ELL3: variants seen among roughly 807,000 people sequenced by gnomAD.
The protein encoded by ELL3 is RNA polymerase II elongation factor ELL3.
In ELL3, 48 loss-of-function variants were observed where a neutral mutation model predicts 58.5. The observed-to-expected ratio is 0.82, with a 90% CI of 0.65 to 1.04. ELL3 has a LOEUF of 1.04. Among genes scored for constraint, ELL3 ranks in the 50% least tolerant of loss-of-function variants. ELL3 has a pLI of 0.00. For missense variants in ELL3, 458 were observed against 478.4 expected, an observed-to-expected ratio of 0.96 and a Z score of 0.40; for synonymous variants, 174 against 173.2, an observed-to-expected ratio of 1.00 and a Z score of -0.04.
intron 5 of ELL3, 64 bp downstream of exon 5, chr15:43,775,461 G>A: frequency 6.2e-7 from 1 of 1,608,276 alleles, no homozygotes; most frequent in Non-Finnish European, 8.5e-7. Context: ...ACATTTAAGA[G>A]TGGAGATTAG....
At chr15:43,774,045 G>A (rs1394882373) in intron 9 of ELL3, 137 bp downstream of exon 9, 1 of 1,081,822 alleles carries the variant, frequency 9.2e-7, no homozygotes, top group Non-Finnish European at 1.3e-6. Context: ...TCTACCAAAT[G>A]ATACAGACTA....
rs1405119119 is a variant in ELL3, at chr15:43,775,813, G to T, written c.392C>A (p.Thr131Asn). Residue 131 changes from threonine (T) to asparagine (N), a missense_variant, in exon 4 of 11, where the codon ACT becomes AAT. Coordinates refer to ENST00000319359, the MANE Select transcript of ELL3 (RefSeq NM_025165.3). Reference sequence around the variant, plus strand: ...ACTCTCAGGATGTCTGGCATCTTCAGTCAGGTTGTGTCCCTGAACTGATGA... The same window carrying T: ...ACTCTCAGGATGTCTGGCATCTTCATTCAGGTTGTGTCCCTGAACTGATGA... ...APSSVQGHNL[T>N]EDARHPESWQ... 2 of 1,614,190 alleles carry T rather than the reference G, an allele frequency of 1.2e-6. No homozygotes were observed. Among genetic ancestry groups the T allele is most frequent in the South Asian group, 2.2e-5 (2 of 91,082 alleles).
At chr15:43,776,572 T>G in intron 1 of ELL3, 28 bp from the exon 2 acceptor site, 1 of 1,562,600 alleles carries the variant, frequency 6.4e-7, no homozygotes. Flanking sequence ...ATGTGACCGT[T>G]GAGCGCAGGT....
rs780192751 is a variant in ELL3, at chr15:43,775,779, G to GT, written c.425dup (p.Asn142LysfsTer7). 6.2e-7 allele frequency: 1 copy of GT among 1,614,198 alleles called. No individual in the cohort carries two copies. Among genetic ancestry groups the GT allele is most frequent in the Admixed American group, 1.7e-5 (1 of 60,024 alleles). On this transcript the variant is annotated frameshift_variant, in exon 4 of 11. Transcript: ENST00000319359. LOFTEE classifies it high-confidence loss of function. ...CATCTCCTTCAGAATAGCCTCCTGT[G>GT]TTCTGCCAACTCTCAGGATGTCTGG... is the stretch of plus-strand genomic sequence containing the variant.
chr15:43,773,711 AG>A (rs1286563179), intron 9 of ELL3, among the ~76,000 whole-genome samples: 1 of 146,864 alleles, frequency 6.8e-6, no homozygotes, highest in African/African-American at 2.6e-5. Context: ...GAAAAAAAAA[AG>A]AGAGAGGGGC....
rs2086902727 is a variant in ELL3 at position 43,774,790 on chromosome 15, CTG to C, written c.646-19_646-18del. 3 of 1,582,858 alleles carry C rather than the reference CTG, an allele frequency of 1.9e-6. No individual in the cohort carries two copies. Among genetic ancestry groups the C allele is most frequent in the Non-Finnish European group, 2.6e-6 (3 of 1,169,542 alleles). On this transcript the variant is annotated intron_variant, in intron 6 of 10. Transcript: ENST00000319359. ...TGAACGTTTCTGTTGAGGAAAATAT[CTG>C]TGTGACATAAACAGCCAAGAGCTTC...
intron 7 of ELL3, 24 bp downstream of exon 7, chr15:43,774,572 T>C: frequency 6.2e-7 from 1 of 1,613,928 alleles, no homozygotes; most frequent in Non-Finnish European, 8.5e-7. Context: ...CACTGGCATT[T>C]TTACCCTCCT....
intron 9 of ELL3, 83 bp from the exon 10 acceptor site, chr15:43,773,431 C>T (rs2141660385): frequency 6.7e-7 from 1 of 1,500,238 alleles, no homozygotes; most frequent in East Asian, 2.3e-5. Flanking sequence ...CGCCTGTAAT[C>T]CCAGCACTTT....
intron 1 of ELL3, 103 bp downstream of exon 1, chr15:43,776,667 C>T: frequency 6.5e-7 from 1 of 1,545,724 alleles, no homozygotes. Flanking sequence ...GAGGCCAGAG[C>T]TTGCGGAAGC....
At chr15:43,776,566 G>A (rs769761970) in intron 1 of ELL3, 22 bp from the exon 2 acceptor site, 3 of 1,564,890 alleles carry the variant, frequency 1.9e-6, no homozygotes, top group East Asian at 4.7e-5. Context: ...GCGAAGATGT[G>A]ACCGTTGAGC....
intron 2 of ELL3, 81 bp from the exon 3 acceptor site, chr15:43,776,232 CGTAA>C (rs2086915929): frequency 4.5e-6 from 6 of 1,343,830 alleles, no homozygotes; most frequent in Non-Finnish European, 6.3e-6. Flanking sequence ...GGAGCCAGTC[CGTAA>C]GTAAGACTAA....
Position 43,776,942 on chromosome 15 carries a change from G to A in ELL3, c.-41C>T, listed in dbSNP as rs565761602. The A allele has an allele frequency of 1.2e-5, 19 of 1,602,704 alleles. No homozygotes were observed. The highest frequency in any genetic ancestry group is 1.5e-5 in the Non-Finnish European group (18 of 1,178,670). ...TGCAAGCAGCACGGGGGCCACAGGC[G>A]AGGGCCACCACCGCCACCTCCTCTG... On this transcript the variant is annotated 5_prime_UTR_variant, in exon 1 of 11. Transcript: ENST00000319359.
chr15:43,774,710 C>A lies in ELL3; in HGVS notation c.709G>T (p.Val237Leu), dbSNP rs762732572. 3 of 1,614,106 alleles carry A rather than the reference C, an allele frequency of 1.9e-6. No homozygotes were observed. The highest frequency in any genetic ancestry group is 2.5e-6 in the Non-Finnish European group (3 of 1,180,018). Residue 237 changes from valine (V) to leucine (L), a missense_variant, in exon 7 of 11, where the codon GTG becomes TTG. Transcript: ENST00000319359. ...EEKRFRTLPL[V>L]PSPLQGLTNQ... ...GTCAGGCCTTGTAGGGGGCTTGGCA[C>A]TAAAGGCAGAGTTCTGAACCTCTTT... is the stretch of plus-strand genomic sequence containing the variant.
At chr15:43,776,393 A>G (rs2086917246) in intron 2 of ELL3, 116 bp downstream of exon 2, 4 of 1,483,998 alleles carry the variant, frequency 2.7e-6, no homozygotes, top group Non-Finnish European at 3.7e-6. Context: ...AGTTATCGGA[A>G]CTACCTCAGA....
At chr15:43,774,830 TTC>T in intron 6 of ELL3, 57 bp from the exon 7 acceptor site, 2 of 1,504,350 alleles carry the variant, frequency 1.3e-6, no homozygotes, top group Non-Finnish European at 1.8e-6. Context: ...AAATATGTTC[TTC>T]TCTCAAGAAT....
At chr15:43,775,450 AACATTT>A in intron 5 of ELL3, 69 bp from the exon 6 acceptor site, 1 of 1,607,698 alleles carries the variant, frequency 6.2e-7, no homozygotes. Flanking sequence ...CTTTTATTAC[AACATTT>A]AAGAGTGGAG....
rs1394998646 is a variant in ELL3 at position 43,773,291 on chromosome 15, GACCTTGTCTT to G, written c.1083+3_1083+12del. 1.2e-6 allele frequency: 2 copies of G among 1,613,998 alleles called. No individual in the cohort carries two copies. Among genetic ancestry groups the G allele is most frequent in the Non-Finnish European group, 1.7e-6 (2 of 1,180,034 alleles). ...TCATTCTACCTTGCTTCCGTTCCCA[GACCTTGTCTT>G]ACCTTCCTGAACTTTTTATATTCCT... On this transcript the variant is annotated splice_donor_5th_base_variant and intron_variant, in intron 10 of 10. Coordinates refer to ENST00000319359, the MANE Select transcript of ELL3 (RefSeq NM_025165.3).
At position 43,775,354 on chromosome 15, in the gene ELL3, TTC is replaced by T. The variant is rs1408839906; in HGVS notation, c.595_596del (p.Glu199ThrfsTer61). 2.5e-6 allele frequency: 4 copies of T among 1,613,494 alleles called. No homozygotes were observed. The highest frequency in any genetic ancestry group is 3.4e-6 in the Non-Finnish European group (4 of 1,179,516). On this transcript the variant is annotated frameshift_variant, in exon 6 of 11. Coordinates refer to ENST00000319359, the MANE Select transcript of ELL3 (RefSeq NM_025165.3). LOFTEE classifies it high-confidence loss of function. ...CAGAGGAAGGCAGTGCCTGAACAGG[TTC>T]TCTGTTTGGAACATGGGTCTGGCTT... ...VRSQTHVPNR[E>X]PVQALPSSAS...
At position 43,774,295 on chromosome 15, in the gene ELL3, T is replaced by C. The variant is rs1567161383; in HGVS notation, c.925A>G (p.Thr309Ala). Reference protein sequence around the residue: ...QQHAYEQDFETDYAEYRILHA... With the variant: ...QQHAYEQDFEADYAEYRILHA... ...AGGATGCGGTATTCAGCATAATCTGTCTCAAAGTCCTGCTCATAGGCATGT... is the reference window on the plus strand; with the variant it reads ...AGGATGCGGTATTCAGCATAATCTGCCTCAAAGTCCTGCTCATAGGCATGT... Residue 309 changes from threonine to alanine, a missense_variant, in exon 9 of 11, where the codon ACA (threonine) becomes GCA (alanine). By Grantham distance (58) the Thr-to-Ala change is moderately conservative. Coordinates refer to ENST00000319359, the MANE Select transcript of ELL3 (RefSeq NM_025165.3). The C allele has an allele frequency of 1.2e-6, 2 of 1,614,180 alleles. No homozygotes were observed. Among genetic ancestry groups the C allele is most frequent in the Non-Finnish European group, 1.7e-6 (2 of 1,180,030 alleles).
Sources: gnomAD v4.1 joint callset for allele counts (sites outside exome capture counted in the v4.1 genomes callset) on GRCh38, gnomAD v4.1.1 for gene constraint, MANE v1.5 for transcripts, NCBI Gene and HGNC (gene_info 2026-07-23, HGNC 2026-07-21) for gene names.